The following TTC7A variants were observed in gnomAD, a reference collection of about 807,000 sequenced individuals.
The protein encoded by TTC7A is tetratricopeptide repeat protein 7A.
In TTC7A, 110 loss-of-function variants were observed where a neutral mutation model predicts 103.7. The observed-to-expected ratio is 1.06, with a 90% CI of 0.91 to 1.24. The LOEUF is 1.24. Among genes scored for constraint, TTC7A ranks in the 50% most tolerant of loss-of-function variants. The pLI is 0.00. For missense variants in TTC7A, 1,340 were observed against 1,116.3 expected, an observed-to-expected ratio of 1.20 and a Z score of -2.86; for synonymous variants, 521 against 467.9, an observed-to-expected ratio of 1.11 and a Z score of -1.47.
At chr2:47,009,679 C>A (rs1677815869) in intron 10 of TTC7A, among the ~76,000 whole-genome samples, 1 of 152,090 alleles carries the variant, frequency 6.6e-6, no homozygotes. Context: ...CCGTTTCCTT[C>A]TGTACCTCCA....
At chr2:47,054,076 G>T (rs771384456) in intron 18 of TTC7A, 57 of 981,068 alleles carry the variant, frequency 5.8e-5, no homozygotes, top group Non-Finnish European at 6.8e-5. Context: ...TTCTTCTTTG[G>T]TCATTGTCTT....
Position 46,994,584 on chromosome 2 carries a change from G to A in TTC7A, c.1001+70G>A. The A allele has an allele frequency of 5.9e-6, 9 of 1,524,728 alleles. No individual in the cohort carries two copies. In the South Asian group the frequency reaches 8.5e-5, roughly 14 times the overall value. 94.4% of individuals were successfully genotyped at this position (1,524,728 alleles called of 1,614,324 possible). A position where few individuals can be genotyped will look rare whatever the true frequency, so the allele number is the denominator to read the frequency against. ...ACGCAGGGTTCTGTCCCCACTGGTG[G>A]CTTCCTCTTTGCCCCATGCTCTCCT... On this transcript the variant is annotated intron_variant, in intron 7 of 19. Transcript: ENST00000319190.
chr2:46,937,286 A>G (rs1249443402), upstream of TTC7A, among the ~76,000 whole-genome samples: 2 of 151,258 alleles, frequency 1.3e-5, no homozygotes, highest in Non-Finnish European at 2.9e-5. This position sits in a 1 kb window ranked among gnomAD's most constrained non-coding sequence, Gnocchi z 4.0. Context: ...CCCCTACCCT[A>G]TGCTCCTCCA....
At chr2:47,040,930 T>G (rs564554739) in intron 15 of TTC7A, among the ~76,000 whole-genome samples, 6 of 152,242 alleles carry the variant, frequency 3.9e-5, no homozygotes, top group Admixed American at 6.5e-5. Flanking sequence ...AGGACAGTAC[T>G]GTGACCATTG....
intron 3 of TTC7A, among the ~76,000 whole-genome samples, chr2:46,963,954 A>G (rs1234961577): frequency 6.6e-6 from 1 of 152,158 alleles, no homozygotes; most frequent in Non-Finnish European, 1.5e-5. Context: ...AATCTTGTGG[A>G]CTGAGATGTG....
At chr2:46,997,940 A>G (rs1175430330) in intron 8 of TTC7A, among the ~76,000 whole-genome samples, 2 of 152,144 alleles carry the variant, frequency 1.3e-5, no homozygotes, top group Non-Finnish European at 2.9e-5. Context: ...TTTTACAGAA[A>G]CATGGCCCGT....
upstream of TTC7A, among the ~76,000 whole-genome samples, chr2:46,940,815 C>G (rs957970641): frequency 6.6e-6 from 1 of 152,140 alleles, no homozygotes; most frequent in Non-Finnish European, 1.5e-5. The surrounding 1 kb of genome is among the most constrained non-coding windows in gnomAD (Gnocchi z 4.7). Flanking sequence ...GGCAGGCCAG[C>G]TCCCGGGAGG....
intron 18 of TTC7A, among the ~76,000 whole-genome samples, chr2:47,053,354 G>A (rs1233923626): frequency 1.4e-5 from 2 of 146,606 alleles, no homozygotes; most frequent in Non-Finnish European, 3.1e-5. Flanking sequence ...CCAAGGGGCC[G>A]CATGGAGCCC....
At chr2:46,990,000 G>T (rs1220709671) in intron 5 of TTC7A, among the ~76,000 whole-genome samples, 1 of 152,190 alleles carries the variant, frequency 6.6e-6, no homozygotes. Context: ...GTGGGAAGAA[G>T]GGGCCACAGT....
chr2:46,974,167 A>C (rs1422507204), intron 3 of TTC7A, among the ~76,000 whole-genome samples: 1 of 152,246 alleles, frequency 6.6e-6, no homozygotes, highest in Non-Finnish European at 1.5e-5. Flanking sequence ...AAAGAAAGTG[A>C]CTTTATTCCA....
intron 9 of TTC7A, among the ~76,000 whole-genome samples, chr2:47,006,260 T>C (rs1289359539): frequency 6.6e-6 from 1 of 152,180 alleles, no homozygotes; most frequent in Admixed American, 6.5e-5. Context: ...ACAAGGTTGT[T>C]GGGGAGAGTG....
At chr2:47,066,927 G>A (rs1318211605) in intron 19 of TTC7A, among the ~76,000 whole-genome samples, 2 of 152,180 alleles carry the variant, frequency 1.3e-5, no homozygotes, top group Non-Finnish European at 2.9e-5. Context: ...CAGTTCTGGA[G>A]GCTGAGAAGT....
intron 2 of TTC7A, among the ~76,000 whole-genome samples, chr2:46,925,489 C>T (rs1185815260): frequency 2.0e-5 from 3 of 152,044 alleles, no homozygotes; most frequent in East Asian, 1.9e-4. Flanking sequence ...ACCTGGGAGG[C>T]GGAGGTTGCA....
chr2:47,012,939 G>A (rs377106092), intron 11 of TTC7A, among the ~76,000 whole-genome samples: 17 of 152,300 alleles, frequency 1.1e-4, no homozygotes, highest in African/African-American at 3.6e-4. Context: ...GGAGAATTAC[G>A]TGAGATCAGT....
In TTC7A at chr2:46,978,767, G is replaced by GCT. The variant is rs775134836; in HGVS notation, c.649-16_649-15dup. On this transcript the variant is annotated intron_variant, in intron 4 of 19. Transcript: ENST00000319190. The stretch of plus-strand genomic sequence containing the variant: ...TCTGCCTCAGAACTTTGAGACAATG[G>GCT]CTCTCTCTCTGTTTCCCTTCCCAGA... 3.1e-6 allele frequency: 5 copies of GCT among 1,594,746 alleles called. No individual in the cohort carries two copies. The South Asian group carries it at 3.3e-5, about 11-fold the overall frequency.
At chr2:46,934,787 C>CTGTTTTTTTTT (rs1669883362) in intron 2 of TTC7A, among the ~76,000 whole-genome samples, 1 of 66,888 alleles carries the variant, frequency 1.5e-5, no homozygotes, top group Non-Finnish European at 2.7e-5. Context: ...GACTACTGCT[C>CTGTTTTTTTTT]TTTTTTTTTT....
intron 8 of TTC7A, among the ~76,000 whole-genome samples, chr2:47,003,300 T>A (rs1177343283): frequency 6.6e-6 from 1 of 151,816 alleles, no homozygotes; most frequent in Admixed American, 6.6e-5. Context: ...TGGGCTGGGT[T>A]GGGGGAGGAC....
intron 19 of TTC7A, among the ~76,000 whole-genome samples, chr2:47,064,540 AAGGCTTGCCCAGGAAGGGACCCCC>A: frequency 6.6e-6 from 1 of 152,318 alleles, no homozygotes; most frequent in South Asian, 2.1e-4. Flanking sequence ...AGAGGGCTTC[AAGGCTTGCCCAGGAAGGGACCCCC>A]GGCAGCCTGC....
At chr2:47,004,663 G>A (rs1480052998) in intron 8 of TTC7A, among the ~76,000 whole-genome samples, 1 of 152,020 alleles carries the variant, frequency 6.6e-6, no homozygotes, top group Non-Finnish European at 1.5e-5. Context: ...TTGGCAGAGG[G>A]GAATGAGCAG....
Sources: gnomAD v4.1 joint callset for allele counts (sites outside exome capture counted in the v4.1 genomes callset) on GRCh38, gnomAD v4.1.1 for gene constraint, Gnocchi (gnomAD v3.1) non-coding constraint, MANE v1.5 for transcripts, NCBI Gene and HGNC (gene_info 2026-07-23, HGNC 2026-07-21) for gene names.